The following COL22A1 variants were observed in gnomAD, a reference collection of about 807,000 sequenced individuals.
COL22A1 encodes collagen alpha-1(XXII) chain.
Under a neutral mutation model 248.9 loss-of-function variants are expected in COL22A1, and 221 were observed. The ratio of observed to expected loss-of-function variants is 0.89; its 90% confidence interval spans 0.80 to 0.99. The LOEUF is 0.99. COL22A1 is among the 50% of genes least tolerant of loss of function. The probability of loss-of-function intolerance (pLI) is 0.00; values close to 1 mark genes in which losing one functional copy is unlikely to be tolerated. For synonymous variants in COL22A1, 891 were observed against 793.4 expected (o/e 1.12, Z -2.07); for missense variants, 2,240 against 2,179.0 (o/e 1.03, Z -0.56).
chr8:138,856,166 C>A (rs1332464972), intron 3 of COL22A1, among the ~76,000 whole-genome samples: 2 of 152,184 alleles, frequency 1.3e-5, no homozygotes, highest in Non-Finnish European at 2.9e-5. Context: ...CTGCACCCGC[C>A]AGCTGTGCCT....
Position 138,821,356 on chromosome 8 carries a change from G to A in COL22A1, c.1025C>T (p.Ala342Val), listed in dbSNP as rs1819110587. The change falls in exon 7 of 65, where the codon GCC (alanine) becomes GTC (valine). Residue 342 changes from alanine (A) to valine (V), a missense_variant. Physicochemically the swap from Ala to Val is moderately conservative, Grantham distance 64. Transcript: ENST00000303045. ...GACCACCCTGACAGCATCTTTCATG[G>A]CACCCACAGCGTTGTACTCGACTGC... The part of the protein sequence containing the change: ...NKAVEYNAVG[A>V]MKDAVRVVFR... 10 of 1,614,140 alleles carry A rather than the reference G, an allele frequency of 6.2e-6. No individual in the cohort carries two copies. In the East Asian group the frequency reaches 2.0e-4, roughly 32 times the overall value.
In COL22A1 at chr8:138,813,026, A is replaced by G. The variant is rs373961690; in HGVS notation, c.1246-7T>C. ...CAATCCGCTGTAGGTCAAACTGGAAAGGAAAGCAAGGAGAGAGGATAAGTT... is the reference window on the plus strand; with the variant it reads ...CAATCCGCTGTAGGTCAAACTGGAAGGGAAAGCAAGGAGAGAGGATAAGTT... On this transcript the variant is annotated splice_polypyrimidine_tract_variant and splice_region_variant and intron_variant, in intron 7 of 64. Coordinates refer to ENST00000303045, the MANE Select transcript of COL22A1 (RefSeq NM_152888.3). 54 of 1,611,532 alleles carry G rather than the reference A, an allele frequency of 3.4e-5. No individual in the cohort carries two copies. Among genetic ancestry groups the G allele is most frequent in the Non-Finnish European group, 4.0e-5 (47 of 1,177,752 alleles).
At chr8:138,827,079 C>T (rs937248127) in intron 5 of COL22A1, 20 of 370,684 alleles carry the variant, frequency 5.4e-5, no homozygotes, top group African/African-American at 1.6e-4. Flanking sequence ...CCACAGTAAA[C>T]GCTAAATGGT....
At chr8:138,688,836 G>A (rs1038464301) in intron 37 of COL22A1, 81 bp downstream of exon 37, 21 of 1,231,414 alleles carry the variant, frequency 1.7e-5, no homozygotes, top group East Asian at 1.4e-4. Context: ...AACCAGGCCC[G>A]AGCAGAGTGA....
chr8:138,761,288 T>C (rs1320273), intron 17 of COL22A1, among the ~76,000 whole-genome samples: 150,725 of 152,318 alleles, frequency 0.99, 74,585 homozygotes, highest in East Asian at 1. Flanking sequence ...AACCAGGCAC[T>C]GCACGATGGA....
At chr8:138,895,920 G>A (rs375808709) in intron 1 of COL22A1, among the ~76,000 whole-genome samples, 1 of 152,252 alleles carries the variant, frequency 6.6e-6, no homozygotes, top group African/African-American at 2.4e-5. Flanking sequence ...TAGGAGAAGT[G>A]ACACATTGTC....
chr8:138,790,517 G>A (rs866488126), intron 12 of COL22A1, among the ~76,000 whole-genome samples: 30 of 152,186 alleles, frequency 2.0e-4, no homozygotes, highest in African/African-American at 6.0e-4. Flanking sequence ...TCCACATGTC[G>A]TGGAACTCCC....
At chr8:138,723,924 G>A (rs532438848) in intron 25 of COL22A1, among the ~76,000 whole-genome samples, 14 of 152,108 alleles carry the variant, frequency 9.2e-5, no homozygotes, top group East Asian at 3.9e-4. Context: ...CTTCACCTCC[G>A]CCTCACCCCT....
At position 138,588,843 on chromosome 8, in the gene COL22A1, A is replaced by G. The variant is rs1816805111; in HGVS notation, c.*410T>C. ...AGTTTTTCTTTTGAAGAAAGAGGTA[A>G]ATTTGCCAAGTGTCTGGTCAGGGTT... is the stretch of plus-strand genomic sequence containing the variant. On this transcript the variant is annotated 3_prime_UTR_variant, in exon 65 of 65. Coordinates refer to ENST00000303045, the MANE Select transcript of COL22A1 (RefSeq NM_152888.3). The G allele has an allele frequency of 6.5e-6, 1 of 154,778 alleles. No individual in the cohort carries two copies. The highest frequency in any genetic ancestry group is 6.5e-5 in the Admixed American group (1 of 15,330). 9.6% of individuals were successfully genotyped at this position (154,778 alleles called of 1,614,324 possible). A position where few individuals can be genotyped will look rare whatever the true frequency, so the allele number is the denominator to read the frequency against.
intron 31 of COL22A1, among the ~76,000 whole-genome samples, chr8:138,700,878 G>C (rs1176192877): frequency 6.6e-6 from 1 of 151,794 alleles, no homozygotes; most frequent in Non-Finnish European, 1.5e-5. Context: ...CCAGCTACTC[G>C]GGAGGCTGAG....
intron 8 of COL22A1, among the ~76,000 whole-genome samples, chr8:138,812,251 T>C (rs1818301795): frequency 6.6e-6 from 1 of 152,208 alleles, no homozygotes; most frequent in African/African-American, 2.4e-5. Flanking sequence ...ACCAGGTCCA[T>C]CTGGCTGCAC....
chr8:138,802,825 C>A, intron 11 of COL22A1, 47 bp downstream of exon 11: 1 of 1,491,672 alleles, frequency 6.7e-7, no homozygotes, highest in Non-Finnish European at 9.4e-7. Context: ...GGGTCCCCCA[C>A]GCCCGCCCTG....
intron 23 of COL22A1, among the ~76,000 whole-genome samples, chr8:138,731,673 G>A (rs1002039016): frequency 5.3e-5 from 8 of 151,850 alleles, no homozygotes; most frequent in African/African-American, 1.9e-4. Flanking sequence ...AGTGAGTTCT[G>A]GGGGTAACTG....
At chr8:138,719,170 C>A (rs1829675288) in intron 27 of COL22A1, among the ~76,000 whole-genome samples, 1 of 152,050 alleles carries the variant, frequency 6.6e-6, no homozygotes. Flanking sequence ...TCCAATCAAT[C>A]AAACACTGAA....
intron 12 of COL22A1, among the ~76,000 whole-genome samples, chr8:138,792,271 C>A (rs1816125968): frequency 6.6e-6 from 1 of 152,204 alleles, no homozygotes; most frequent in Non-Finnish European, 1.5e-5. Flanking sequence ...GAAAGGCCAC[C>A]ACCACCAATA....
chr8:138,722,222 C>T, intron 25 of COL22A1, 133 bp from the exon 26 acceptor site: 1 of 662,440 alleles, frequency 1.5e-6, no homozygotes, highest in Non-Finnish European at 2.6e-6. Flanking sequence ...CTTTGATTAG[C>T]AGGGCCCTGT....
chr8:138,836,583 A>G (rs1430113818), intron 4 of COL22A1, among the ~76,000 whole-genome samples: 1 of 152,164 alleles, frequency 6.6e-6, no homozygotes. Context: ...CTAGATAAAC[A>G]TGCGGCATGG....
intron 30 of COL22A1, among the ~76,000 whole-genome samples, chr8:138,714,904 G>T (rs1276967436): frequency 6.6e-6 from 1 of 152,108 alleles, no homozygotes; most frequent in Admixed American, 6.5e-5. Context: ...AGGGCACATG[G>T]GGTTTTTGCT....
intron 45 of COL22A1, among the ~76,000 whole-genome samples, chr8:138,650,501 A>T (rs573451819): frequency 2.7e-4 from 41 of 152,098 alleles, no homozygotes; most frequent in Non-Finnish European, 5.4e-4. Context: ...CTATGTGCCA[A>T]ATAAAACTCA....
Sources: gnomAD v4.1 joint callset for allele counts (sites outside exome capture counted in the v4.1 genomes callset) on GRCh38, gnomAD v4.1.1 for gene constraint, MANE v1.5 for transcripts, NCBI Gene and HGNC (gene_info 2026-07-23, HGNC 2026-07-21) for gene names.